The following UBE2E1 variants were observed in gnomAD, a reference collection of about 807,000 sequenced individuals.
UBE2E1 encodes the protein ubiquitin conjugating enzyme E2 E1.
UBE2E1 carries 6 observed loss-of-function variants against 21.4 expected under a neutral mutation model. That is an observed-to-expected ratio of 0.28 (90% CI 0.15 to 0.55). The LOEUF (loss-of-function observed/expected upper bound fraction) is 0.55. Among genes scored for constraint, UBE2E1 ranks in the 20% least tolerant of loss-of-function variants. The pLI is 0.93. For synonymous variants in UBE2E1, 87 were observed against 82.7 expected, an observed-to-expected ratio of 1.05 and a Z score of -0.28; for missense variants, 142 against 236.5, an observed-to-expected ratio of 0.60 and a Z score of 2.62.
intron 3 of UBE2E1, among the ~76,000 whole-genome samples, chr3:23,844,817 T>C (rs1410146253): frequency 1.3e-5 from 2 of 152,174 alleles, no homozygotes; most frequent in East Asian, 3.8e-4. Context: ...CTCCCAGATA[T>C]GAAGACGTGC....
At chr3:23,888,167 G>A in intron 4 of UBE2E1, 1 of 455,484 alleles carries the variant, frequency 2.2e-6, no homozygotes, top group Non-Finnish European at 4.4e-6. Flanking sequence ...TAGAGAATCA[G>A]AATCTCTTCC....
At position 23,876,009 on chromosome 3, in the gene UBE2E1, G is replaced by T. The variant is rs1700907333; in HGVS notation, c.204-11558G>T. Among the ~76,000 whole-genome samples, 1 of 152,230 alleles carries T rather than the reference G, an allele frequency of 6.6e-6. No individual in the cohort carries two copies. Among genetic ancestry groups the T allele is most frequent in the Non-Finnish European group, 1.5e-5 (1 of 68,044 alleles). On this transcript the variant is annotated intron_variant, in intron 3 of 5. Coordinates refer to ENST00000306627, the MANE Select transcript of UBE2E1 (RefSeq NM_003341.5). This position sits in a 1 kb window ranked among gnomAD's most constrained non-coding sequence, Gnocchi z 4.3. ...GATGGTCTCTATCTCTAGACCTCGTGATCTGCCCGCTTTGGCCTCACAAAG... is the reference window on the plus strand; with the variant it reads ...GATGGTCTCTATCTCTAGACCTCGTTATCTGCCCGCTTTGGCCTCACAAAG...
chr3:23,810,554 C>G lies in UBE2E1; in HGVS notation c.153-906C>G. 1 of 1,529,176 alleles carries G rather than the reference C, an allele frequency of 6.5e-7. No homozygotes were observed. The allele number at this position is 1,529,176 out of a possible 1,614,324, so 94.7% of individuals were successfully genotyped here. On this transcript the variant is annotated intron_variant, in intron 2 of 5. Coordinates refer to ENST00000306627, the MANE Select transcript of UBE2E1 (RefSeq NM_003341.5). This position sits in a 1 kb window ranked among gnomAD's most constrained non-coding sequence, Gnocchi z 5.8. ...GTCCGGGGAGGTGGGCCGAGAGTCC[C>G]GGCCAGCGTGCGGGGCGGAGGCAGG...
At chr3:23,882,887 G>A (rs924167295) in intron 3 of UBE2E1, among the ~76,000 whole-genome samples, 6 of 152,194 alleles carry the variant, frequency 3.9e-5, no homozygotes, top group Non-Finnish European at 8.8e-5. Flanking sequence ...TGAGCACTGC[G>A]CGCAGCCCCA....
intron 3 of UBE2E1, among the ~76,000 whole-genome samples, chr3:23,824,984 A>C (rs1699725136): frequency 6.6e-6 from 1 of 152,232 alleles, no homozygotes; most frequent in Non-Finnish European, 1.5e-5. Context: ...CTAAACTTTG[A>C]AAGTATGACT....
At chr3:23,832,927 G>A (rs1484893701) in intron 3 of UBE2E1, among the ~76,000 whole-genome samples, 3 of 151,822 alleles carry the variant, frequency 2.0e-5, no homozygotes, top group Admixed American at 6.6e-5. Context: ...CCATGTACTT[G>A]GGAGGCTGAG....
At chr3:23,858,022 A>G (rs112335557) in intron 3 of UBE2E1, among the ~76,000 whole-genome samples, 3,291 of 152,114 alleles carry the variant, frequency 0.022, 120 homozygotes, top group African/African-American at 0.075. Context: ...GGGTTTCACC[A>G]TATTGGCCTG....
At chr3:23,824,502 C>T (rs1291383097) in intron 3 of UBE2E1, among the ~76,000 whole-genome samples, 2 of 152,178 alleles carry the variant, frequency 1.3e-5, no homozygotes, top group Non-Finnish European at 2.9e-5. Flanking sequence ...GTCCAATTTT[C>T]ATTGCTTTCC....
chr3:23,814,709 T>A (rs2125281932), intron 3 of UBE2E1, among the ~76,000 whole-genome samples: 1 of 152,342 alleles, frequency 6.6e-6, no homozygotes, highest in South Asian at 2.1e-4. Flanking sequence ...GTTTTGCAGC[T>A]GTTATTTATA....
At chr3:23,848,332 G>C (rs1269036436) in intron 3 of UBE2E1, among the ~76,000 whole-genome samples, 1 of 152,096 alleles carries the variant, frequency 6.6e-6, no homozygotes, top group African/African-American at 2.4e-5. Context: ...AGCTGGGTGT[G>C]GTGGCCACAT....
chr3:23,831,719 C>CA (rs1181642641), intron 3 of UBE2E1, among the ~76,000 whole-genome samples: 2 of 149,628 alleles, frequency 1.3e-5, no homozygotes, highest in East Asian at 2.0e-4. Context: ...TTCTGTGAGA[C>CA]AGAGTCTCAC....
intron 3 of UBE2E1, among the ~76,000 whole-genome samples, chr3:23,824,975 T>G (rs1699724892): frequency 6.6e-6 from 1 of 152,220 alleles, no homozygotes; most frequent in South Asian, 2.1e-4. Context: ...ATTATGGGGC[T>G]AAACTTTGAA....
intron 3 of UBE2E1, among the ~76,000 whole-genome samples, chr3:23,857,018 A>AG (rs545808681): frequency 0.17 from 25,339 of 145,184 alleles, 2,372 homozygotes; most frequent in Non-Finnish European, 0.2. Flanking sequence ...AAAAAAAAAA[A>AG]AGAGAGAGAA....
intron 3 of UBE2E1, among the ~76,000 whole-genome samples, chr3:23,872,938 A>G (rs979915063): frequency 2.6e-5 from 4 of 151,530 alleles, no homozygotes; most frequent in Non-Finnish European, 5.9e-5. Context: ...AATTGCTTGA[A>G]CCTGGGAGGC....
Position 23,810,500 on chromosome 3 carries a change from G to GA in UBE2E1, c.153-958dup. 1.3e-6 allele frequency: 2 copies of GA among 1,535,716 alleles called. No individual in the cohort carries two copies. Among genetic ancestry groups the GA allele is most frequent in the Non-Finnish European group, 1.7e-6 (2 of 1,146,666 alleles). On this transcript the variant is annotated intron_variant, in intron 2 of 5. Coordinates refer to ENST00000306627, the MANE Select transcript of UBE2E1 (RefSeq NM_003341.5). The surrounding 1 kb of genome is among the most constrained non-coding windows in gnomAD (Gnocchi z 5.8). Reference sequence around the variant, plus strand: ...CATGAAGGAAGTGGGCAGACCCCGGGAAGTTAGAGGACGCCCGGGGAAAAG... The same window carrying GA: ...CATGAAGGAAGTGGGCAGACCCCGGGAAAGTTAGAGGACGCCCGGGGAAAAG...
intron 3 of UBE2E1, among the ~76,000 whole-genome samples, chr3:23,815,773 T>C (rs959252242): frequency 6.6e-6 from 1 of 152,400 alleles, no homozygotes; most frequent in Non-Finnish European, 1.5e-5. Context: ...CTGTATCTTA[T>C]GTGCTAAAAA....
rs1365275735 is a variant in UBE2E1, at chr3:23,817,404, A to T, written c.203+5894A>T. 2.0e-5 allele frequency among the ~76,000 whole-genome samples: 3 copies of T among 147,252 alleles called. No individual in the cohort carries two copies. The Admixed American group carries it at 2.0e-4, about 10-fold the overall frequency. ...GCCACTGCACTCCAGCCTGGTTGACAGAGTGAGACTCTGTCTCAAAAAAAA... is the reference window on the plus strand; with the variant it reads ...GCCACTGCACTCCAGCCTGGTTGACTGAGTGAGACTCTGTCTCAAAAAAAA... On this transcript the variant is annotated intron_variant, in intron 3 of 5. Transcript: ENST00000306627.
At chr3:23,882,500 G>T (rs1701070963) in intron 3 of UBE2E1, among the ~76,000 whole-genome samples, 1 of 152,228 alleles carries the variant, frequency 6.6e-6, no homozygotes, top group Non-Finnish European at 1.5e-5. Context: ...GCTGCGGGCG[G>T]AGCTGCCCGC....
chr3:23,842,233 G>GTGTGTGTGTGTC lies in UBE2E1; in HGVS notation c.203+30734_203+30735insCTGTGTGTGTGT, dbSNP rs1700104693. On this transcript the variant is annotated intron_variant, in intron 3 of 5. Coordinates refer to ENST00000306627, the MANE Select transcript of UBE2E1 (RefSeq NM_003341.5). The surrounding 1 kb of genome is among the most constrained non-coding windows in gnomAD (Gnocchi z 4.6). ...TGTGTGTGTGTGTGTGTGTGTGTGT[G>GTGTGTGTGTGTC]TGTGTGTGTGTGTGTGGTGTTGTTG... Among the ~76,000 whole-genome samples the GTGTGTGTGTGTC allele has an allele frequency of 1.2e-5, 1 of 82,336 alleles. No homozygotes were observed. The highest frequency in any genetic ancestry group is 2.7e-5 in the Non-Finnish European group (1 of 37,192). 54.0% of individuals were successfully genotyped at this position (82,336 alleles called of 152,430 possible).
Sources: gnomAD v4.1 joint callset for allele counts (sites outside exome capture counted in the v4.1 genomes callset) on GRCh38, gnomAD v4.1.1 for gene constraint, Gnocchi (gnomAD v3.1) non-coding constraint, MANE v1.5 for transcripts, NCBI Gene and HGNC (gene_info 2026-07-23, HGNC 2026-07-21) for gene names.